Variants in DNAAF3 observed in about 807,000 individuals in gnomAD.
The protein encoded by DNAAF3 is dynein axonemal assembly factor 3, also known as UPF0470 protein C19orf51.
DNAAF3 carries 40 observed loss-of-function variants against 50.9 expected under a neutral mutation model. That is an observed-to-expected ratio of 0.79 (90% CI 0.61 to 1.02). The LOEUF is 1.02. Ranked by LOEUF, DNAAF3 falls within the 50% of genes least tolerant of loss-of-function variation. The probability of loss-of-function intolerance (pLI) is 0.00; values close to 1 mark genes in which losing one functional copy is unlikely to be tolerated. For missense variants in DNAAF3, 763 were observed against 744.7 expected (o/e 1.02, Z -0.29); for synonymous variants, 327 against 322.8 (o/e 1.01, Z -0.14).
chr19:55,159,338 G>A lies in DNAAF3; in HGVS notation c.1350C>T (p.Thr450=). ...CCTGGGACTTGCAGAAACGTGCGAA[G>A]GTCTCTGAAGGCCTGGCCCCGGTCT... ...APQTGARPSE[T]FARFCKSQES... Residue 450 remains threonine, a synonymous_variant, in exon 12 of 12, where the codon ACC becomes ACT. Transcript: ENST00000524407. 6.2e-7 allele frequency: 1 copy of A among 1,614,154 alleles called. No individual in the cohort carries two copies. The highest frequency in any genetic ancestry group is 8.5e-7 in the Non-Finnish European group (1 of 1,180,026).
At position 55,161,333 on chromosome 19, in the gene DNAAF3, ACAT is replaced by A; in HGVS notation, c.746_748del (p.His249_Val250delinsLeu). Reference sequence around the variant, plus strand: ...ACCGGACGCCAGGGTCCGGTTGGGCACATGATAGGCGCTGGAGTCCCTGAGTTC... The same window carrying A: ...ACCGGACGCCAGGGTCCGGTTGGGCAGATAGGCGCTGGAGTCCCTGAGTTC... On this transcript the variant is annotated inframe_deletion, in exon 7 of 12. Transcript: ENST00000524407. This position sits in a 1 kb window ranked among gnomAD's most constrained non-coding sequence, Gnocchi z 6.4. 6.2e-7 allele frequency: 1 copy of A among 1,608,686 alleles called. No individual in the cohort carries two copies. The highest frequency in any genetic ancestry group is 8.5e-7 in the Non-Finnish European group (1 of 1,177,608).
chr19:55,161,646 G>A lies in DNAAF3; in HGVS notation c.660C>T (p.Arg220=), dbSNP rs762386034. 9.8e-5 allele frequency: 150 copies of A among 1,535,380 alleles called. No homozygotes were observed. The highest frequency in any genetic ancestry group is 1.0e-4 in the Non-Finnish European group (120 of 1,145,192). ...DWDLRMKLHD[R]GAQVIHPQEF... is the part of the protein sequence containing the mutation. ...GCCCCTCTCCTGGGCCCCTCACCCCGCGGTCATGCAGCTTCATGCGCAGGT... is the reference window on the plus strand; with the variant it reads ...GCCCCTCTCCTGGGCCCCTCACCCCACGGTCATGCAGCTTCATGCGCAGGT... The change falls in exon 6 of 12, where the codon CGC becomes CGT. Residue 220 remains arginine (R), a synonymous_variant. Coordinates refer to ENST00000524407, the MANE Select transcript of DNAAF3 (RefSeq NM_001256715.2). The surrounding 1 kb of genome is among the most constrained non-coding windows in gnomAD (Gnocchi z 6.4).
intron 4 of DNAAF3, among the ~76,000 whole-genome samples, chr19:55,162,997 CTTTTTTT>C (rs576178532): frequency 1.3e-3 from 117 of 92,194 alleles, no homozygotes; most frequent in Middle Eastern, 8.9e-3. Context: ...TTTTCTTTTT[CTTTTTTT>C]TTTTTTTTTT....
At position 55,161,903 on chromosome 19, in the gene DNAAF3, T is replaced by A. The variant is rs1478750158; in HGVS notation, c.481-78A>T. On this transcript the variant is annotated intron_variant, in intron 5 of 11. Transcript: ENST00000524407. The surrounding 1 kb of genome is among the most constrained non-coding windows in gnomAD (Gnocchi z 6.4). ...AGAGCGGATTCTAATTGACCCTCTC[T>A]TCCATCCCAGAACAGGGGAACGATT... 1 of 1,361,354 alleles carries A rather than the reference T, an allele frequency of 7.3e-7. No individual in the cohort carries two copies. 84.3% of individuals were successfully genotyped at this position (1,361,354 alleles called of 1,614,324 possible). A position where few individuals can be genotyped will look rare whatever the true frequency, so the allele number is the denominator to read the frequency against.
chr19:55,163,299 C>T (rs1436419775), intron 4 of DNAAF3, among the ~76,000 whole-genome samples: 2 of 146,150 alleles, frequency 1.4e-5, no homozygotes, highest in African/African-American at 5.2e-5. Flanking sequence ...TGAGCCATCG[C>T]GCCCGGCGGC....
chr19:55,158,975 T>C lies in DNAAF3; in HGVS notation c.*87A>G. On this transcript the variant is annotated 3_prime_UTR_variant, in exon 12 of 12. Coordinates refer to ENST00000524407, the MANE Select transcript of DNAAF3 (RefSeq NM_001256715.2). ...ATGATTAGAATAAAATTGAGGACTC[T>C]AGCAGCGGACTTAGAATGGTATCAG... 1 of 1,442,182 alleles carries C rather than the reference T, an allele frequency of 6.9e-7. No homozygotes were observed. The highest frequency in any genetic ancestry group is 9.3e-7 in the Non-Finnish European group (1 of 1,074,562). 89.3% of individuals were successfully genotyped at this position (1,442,182 alleles called of 1,614,324 possible). A position where few individuals can be genotyped will look rare whatever the true frequency, so the allele number is the denominator to read the frequency against.
intron 4 of DNAAF3, chr19:55,162,625 A>C (rs938664622): frequency 1.0e-6 from 1 of 994,226 alleles, no homozygotes; most frequent in Non-Finnish European, 1.2e-6. Flanking sequence ...AGAGGGAATT[A>C]GAGTTGCAGA....
rs369275731 is a variant in DNAAF3, at chr19:55,161,077, G to A, written c.900C>T (p.Gly300=). ...CCTCGCCGCGCACCTTGACTGGCTG[G>A]CCGTTGCTCGTCCGCAGGAGGCTCT... ...DDESLLRTSN[G]QPVKTAGEIT... is the part of the protein sequence containing the mutation. Residue 300 remains glycine (G), a synonymous_variant, in exon 8 of 12, where the codon GGC becomes GGT. Transcript: ENST00000524407. This position sits in a 1 kb window ranked among gnomAD's most constrained non-coding sequence, Gnocchi z 6.4. 140 of 1,542,088 alleles carry A rather than the reference G, an allele frequency of 9.1e-5. No individual in the cohort carries two copies. In the African/African-American group the frequency reaches 1.8e-3, roughly 19 times the overall value.
In DNAAF3 at chr19:55,165,368, AC is replaced by A. The variant is rs1334632283; in HGVS notation, c.322+1del. ...CAGAATGCCTGGGTCCTAGCAACAG[AC>A]CTTGCAGCCCCATCTTCTCCGGTTC... On this transcript the variant is annotated splice_donor_variant, in intron 4 of 11. Transcript: ENST00000524407. LOFTEE classifies it high-confidence loss of function. 6 of 1,613,868 alleles carry A rather than the reference AC, an allele frequency of 3.7e-6. No individual in the cohort carries two copies. The highest frequency in any genetic ancestry group is 4.2e-6 in the Non-Finnish European group (5 of 1,179,934).
In DNAAF3 at chr19:55,160,052, G is replaced by T; in HGVS notation, c.1049-39C>A. 7.0e-7 allele frequency: 1 copy of T among 1,422,546 alleles called. No homozygotes were observed. The highest frequency in any genetic ancestry group is 9.9e-7 in the Non-Finnish European group (1 of 1,007,732). The allele number at this position is 1,422,546 out of a possible 1,614,324, so 88.1% of individuals were successfully genotyped here. On this transcript the variant is annotated intron_variant, in intron 9 of 11. Transcript: ENST00000524407. The surrounding 1 kb of genome is among the most constrained non-coding windows in gnomAD (Gnocchi z 4.7). Reference sequence around the variant, plus strand: ...ATAGAGGGGTCACCTCTGACAGGCGGAGCCATAAGGGCGGAAAACCAGAGA... The same window carrying T: ...ATAGAGGGGTCACCTCTGACAGGCGTAGCCATAAGGGCGGAAAACCAGAGA...
chr19:55,161,896 C>A lies in DNAAF3; in HGVS notation c.481-71G>T, dbSNP rs1247779135. 5.1e-6 allele frequency: 7 copies of A among 1,368,026 alleles called. No individual in the cohort carries two copies. The South Asian group carries it at 1.1e-4, about 22-fold the overall frequency. 84.7% of individuals were successfully genotyped at this position (1,368,026 alleles called of 1,614,324 possible). A position where few individuals can be genotyped will look rare whatever the true frequency, so the allele number is the denominator to read the frequency against. ...TGCAGGGAGAGCGGATTCTAATTGA[C>A]CCTCTCTTCCATCCCAGAACAGGGG... On this transcript the variant is annotated intron_variant, in intron 5 of 11. Coordinates refer to ENST00000524407, the MANE Select transcript of DNAAF3 (RefSeq NM_001256715.2). This position sits in a 1 kb window ranked among gnomAD's most constrained non-coding sequence, Gnocchi z 6.4.
Position 55,166,485 on chromosome 19 carries a change from T to G in DNAAF3, c.-5+38A>C. ...CGCTCCCCTCTCACCGCCCCTCACTTCTCGCCCCTTTGCCTCCACATGATA... is the reference window on the plus strand; with the variant it reads ...CGCTCCCCTCTCACCGCCCCTCACTGCTCGCCCCTTTGCCTCCACATGATA... On this transcript the variant is annotated intron_variant, in intron 1 of 11. Coordinates refer to ENST00000524407, the MANE Select transcript of DNAAF3 (RefSeq NM_001256715.2). The surrounding 1 kb of genome is among the most constrained non-coding windows in gnomAD (Gnocchi z 4.0). The G allele has an allele frequency of 6.2e-7, 1 of 1,613,570 alleles. No individual in the cohort carries two copies. Among genetic ancestry groups the G allele is most frequent in the Non-Finnish European group, 8.5e-7 (1 of 1,179,666 alleles).
rs766715455 is a variant in DNAAF3 at position 55,160,803 on chromosome 19, G to A, written c.913-28C>T. The A allele has an allele frequency of 9.4e-6, 15 of 1,598,702 alleles. No homozygotes were observed. Among genetic ancestry groups the A allele is most frequent in the South Asian group, 3.3e-5 (3 of 90,844 alleles). On this transcript the variant is annotated intron_variant, in intron 8 of 11. Transcript: ENST00000524407. The surrounding 1 kb of genome is among the most constrained non-coding windows in gnomAD (Gnocchi z 4.7). Reference sequence around the variant, plus strand: ...AACAGTAGAAGGGGCGTGGCCAGACGTCGGGGCCAGGATGGCGGGGCGGGG... The same window carrying A: ...AACAGTAGAAGGGGCGTGGCCAGACATCGGGGCCAGGATGGCGGGGCGGGG...
Position 55,160,693 on chromosome 19 carries a change from C to T in DNAAF3, c.995G>A (p.Gly332Glu). 6.2e-7 allele frequency: 1 copy of T among 1,613,812 alleles called. No individual in the cohort carries two copies. The highest frequency in any genetic ancestry group is 8.5e-7 in the Non-Finnish European group (1 of 1,179,986). Residue 332 changes from glycine (G) to glutamate (E), a missense_variant, in exon 9 of 12, where the codon GGG becomes GAG. Transcript: ENST00000524407. The surrounding 1 kb of genome is among the most constrained non-coding windows in gnomAD (Gnocchi z 4.7). ...CGCGTGCTGCTGCTCCTCCAGGTCC[C>T]CCCCGGTGGCTCTCGCGCGCCCCCA... ...AAWGRARATGGDLEEQQHAEG... is the reference protein window; with the variant it reads ...AAWGRARATGEDLEEQQHAEG...
At position 55,166,567 on chromosome 19, in the gene DNAAF3, G is replaced by A; in HGVS notation, c.-49C>T. On this transcript the variant is annotated 5_prime_UTR_variant, in exon 1 of 12. Transcript: ENST00000524407. The surrounding 1 kb of genome is among the most constrained non-coding windows in gnomAD (Gnocchi z 4.0). Reference sequence around the variant, plus strand: ...CGGGACGCCCCTTCCTCTCTGCTCAGTGCAGCACTGTGGACCCGCGGCACT... The same window carrying A: ...CGGGACGCCCCTTCCTCTCTGCTCAATGCAGCACTGTGGACCCGCGGCACT... 2 of 1,614,150 alleles carry A rather than the reference G, an allele frequency of 1.2e-6. No homozygotes were observed. The highest frequency in any genetic ancestry group is 1.3e-5 in the African/African-American group (1 of 75,034).
rs533912036 is a variant in DNAAF3, at chr19:55,163,644, A to T, written c.323-1354T>A. 2.6e-5 allele frequency among the ~76,000 whole-genome samples: 4 copies of T among 152,312 alleles called. No homozygotes were observed. In the South Asian group the frequency reaches 8.3e-4, roughly 32 times the overall value. ...AGCATCCTTGGATCTTGGTATCTGC[A>T]GGGGTCCTGGAACCAGTCCCCAGTG... On this transcript the variant is annotated intron_variant, in intron 4 of 11. Coordinates refer to ENST00000524407, the MANE Select transcript of DNAAF3 (RefSeq NM_001256715.2).
rs548697719 is a variant in DNAAF3, at chr19:55,161,648, G to T, written c.658C>A (p.Arg220Ser). Residue 220 changes from arginine to serine, a missense_variant, in exon 6 of 12, where the codon CGC becomes AGC. Arg to Ser is a moderately radical substitution (Grantham distance 110). Transcript: ENST00000524407. This position sits in a 1 kb window ranked among gnomAD's most constrained non-coding sequence, Gnocchi z 6.4. The part of the protein sequence containing the change: ...DWDLRMKLHD[R>S]GAQVIHPQEF... ...CCCTCTCCTGGGCCCCTCACCCCGC[G>T]GTCATGCAGCTTCATGCGCAGGTCC... 6 of 1,536,212 alleles carry T rather than the reference G, an allele frequency of 3.9e-6. No individual in the cohort carries two copies. The African/African-American group carries it at 6.9e-5, about 18-fold the overall frequency.
At position 55,162,997 on chromosome 19, in the gene DNAAF3, C is replaced by CTTTTTTTTTTTTTTTTT. The variant is rs576178532; in HGVS notation, c.323-724_323-708dup. Among the ~76,000 whole-genome samples the CTTTTTTTTTTTTTTTTT allele has an allele frequency of 5.2e-3, 484 of 92,200 alleles. 3 individuals are homozygous for CTTTTTTTTTTTTTTTTT. The highest frequency in any genetic ancestry group is 8.2e-3 in the Non-Finnish European group (384 of 46,856). 60.5% of individuals were successfully genotyped at this position (92,200 alleles called of 152,430 possible). A position where few individuals can be genotyped will look rare whatever the true frequency, so the allele number is the denominator to read the frequency against. On this transcript the variant is annotated intron_variant, in intron 4 of 11. Transcript: ENST00000524407. ...TTTTATTTCTTTTTCTTTTCTTTTT[C>CTTTTTTTTTTTTTTTTT]TTTTTTTTTTTTTTTTTTTTTTTTT...
Position 55,161,221 on chromosome 19 carries a change from T to A in DNAAF3, c.790-34A>T. 6.3e-7 allele frequency: 1 copy of A among 1,588,004 alleles called. No individual in the cohort carries two copies. The highest frequency in any genetic ancestry group is 1.1e-5 in the South Asian group (1 of 88,470). ...GGAGGGAGAGAGGAGGCAGGTGAGGTCGATGTTGGGGCCCCTGACTCCTAG... is the reference window on the plus strand; with the variant it reads ...GGAGGGAGAGAGGAGGCAGGTGAGGACGATGTTGGGGCCCCTGACTCCTAG... On this transcript the variant is annotated intron_variant, in intron 7 of 11. Transcript: ENST00000524407. The surrounding 1 kb of genome is among the most constrained non-coding windows in gnomAD (Gnocchi z 6.4).
Sources: gnomAD v4.1 joint callset for allele counts (sites outside exome capture counted in the v4.1 genomes callset) on GRCh38, gnomAD v4.1.1 for gene constraint, Gnocchi (gnomAD v3.1) non-coding constraint, MANE v1.5 for transcripts, NCBI Gene and HGNC (gene_info 2026-07-23, HGNC 2026-07-21) for gene names.